Variants in TMEM200A observed in about 807,000 individuals in gnomAD.
TMEM200A encodes the protein transmembrane protein 200A.
In TMEM200A, 12 loss-of-function variants were observed where a neutral mutation model predicts 24.3. The ratio of observed to expected loss-of-function variants is 0.49; its 90% CI spans 0.32 to 0.80. TMEM200A has a LOEUF of 0.80. Ranked by LOEUF, TMEM200A falls within the 30% of genes least tolerant of loss-of-function variation. TMEM200A has a pLI of 0.04. For synonymous variants in TMEM200A, 224 were observed against 224.4 expected, an observed-to-expected ratio of 1.00 and a Z score of 0.02; for missense variants, 545 against 614.4, an observed-to-expected ratio of 0.89 and a Z score of 1.19.
chr6:130,419,680 G>A (rs1779537618), intron 2 of TMEM200A, among the ~76,000 whole-genome samples: 1 of 152,170 alleles, frequency 6.6e-6, no homozygotes, highest in Non-Finnish European at 1.5e-5. Flanking sequence ...AGCTGCAAGA[G>A]GGAATCTTTG....
chr6:130,383,894 G>C (rs942585897), intron 1 of TMEM200A, among the ~76,000 whole-genome samples: 1 of 152,118 alleles, frequency 6.6e-6, no homozygotes, highest in African/African-American at 2.4e-5. Context: ...GAGACGGGGG[G>C]GATCCCTTGA....
upstream of TMEM200A, chr6:130,365,546 C>T (rs1461983419): frequency 1.5e-5 from 15 of 985,244 alleles, no homozygotes; most frequent in Admixed American, 6.1e-5. Context: ...CCTGCGGTGC[C>T]TGCTCCGGGA....
intron 2 of TMEM200A, among the ~76,000 whole-genome samples, chr6:130,407,758 A>G (rs1779238563): frequency 6.6e-6 from 1 of 152,232 alleles, no homozygotes; most frequent in South Asian, 2.1e-4. Flanking sequence ...TACAAATAAC[A>G]TTTTAGAAAC....
intron 2 of TMEM200A, among the ~76,000 whole-genome samples, chr6:130,405,547 T>C (rs1242579696): frequency 1.3e-5 from 2 of 152,196 alleles, no homozygotes; most frequent in African/African-American, 4.8e-5. Flanking sequence ...TGCATCATGG[T>C]AGGAGAATCA....
At chr6:130,414,388 C>T (rs747027709) in intron 2 of TMEM200A, among the ~76,000 whole-genome samples, 24 of 144,842 alleles carry the variant, frequency 1.7e-4, no homozygotes, top group Non-Finnish European at 2.8e-4. Flanking sequence ...GCTGAGATCG[C>T]GCTGCTGCAC....
At chr6:130,365,569 G>T (rs1778114704), upstream of TMEM200A, 2 of 985,258 alleles carry the variant, frequency 2.0e-6, no homozygotes, top group African/African-American at 1.7e-5. Flanking sequence ...ACTGCGAGTC[G>T]GCTGGAGCTC....
rs187047495 is a variant in TMEM200A, at chr6:130,418,816, G to A, written c.-16-21591G>A. Among the ~76,000 whole-genome samples, 915 of 151,808 alleles carry A rather than the reference G, an allele frequency of 6.0e-3. 5 individuals are homozygous for A. The highest frequency in any genetic ancestry group is 0.016 in the South Asian group (78 of 4,786). ...TATATAATATTTTACATATTTCTGG[G>A]GTACATGTGATATTTTGTTATGCAT... On this transcript the variant is annotated intron_variant, in intron 2 of 2. Transcript: ENST00000296978.
Position 130,440,764 on chromosome 6 carries a change from C to A in TMEM200A, c.342C>A (p.Arg114=), listed in dbSNP as rs1297246427. 2 of 1,613,938 alleles carry A rather than the reference C, an allele frequency of 1.2e-6. No homozygotes were observed. The highest frequency in any genetic ancestry group is 3.3e-5 in the Admixed American group (2 of 60,022). The change falls in exon 3 of 3, where the codon CGC becomes CGA. Residue 114 remains arginine (R), a synonymous_variant. Coordinates refer to ENST00000296978, the MANE Select transcript of TMEM200A (RefSeq NM_001258277.2). ...GGAATGAAGGCGGTGTGGTGGTTCG[C>A]TTCTTTGAGCAGCATTTGCATTCTG... ...VIRNEGGVVV[R]FFEQHLHSDK...
At chr6:130,405,797 C>T (rs906708121) in intron 2 of TMEM200A, among the ~76,000 whole-genome samples, 2 of 152,170 alleles carry the variant, frequency 1.3e-5, no homozygotes, top group Admixed American at 6.5e-5. Flanking sequence ...GCTTCCTGAC[C>T]CACTGCTAGC....
At chr6:130,416,227 C>T (rs1779445672) in intron 2 of TMEM200A, among the ~76,000 whole-genome samples, 1 of 152,058 alleles carries the variant, frequency 6.6e-6, no homozygotes, top group East Asian at 1.9e-4. Context: ...GATTGTATTT[C>T]ACTAAGAAAA....
intron 2 of TMEM200A, among the ~76,000 whole-genome samples, chr6:130,405,874 A>G (rs1387044996): frequency 6.6e-6 from 1 of 152,156 alleles, no homozygotes; most frequent in Non-Finnish European, 1.5e-5. Flanking sequence ...CTTCACTGGC[A>G]GGTTGCTTCT....
intron 1 of TMEM200A, among the ~76,000 whole-genome samples, chr6:130,371,894 G>A (rs1778329154): frequency 6.6e-6 from 1 of 152,184 alleles, no homozygotes; most frequent in African/African-American, 2.4e-5. Context: ...AGGGAGACAG[G>A]ATTTTATTAG....
intron 1 of TMEM200A, chr6:130,381,863 C>G: frequency 1.0e-6 from 1 of 972,116 alleles, no homozygotes; most frequent in Non-Finnish European, 1.2e-6. Context: ...AAATTGCTGA[C>G]TGAAGGTTAA....
intron 2 of TMEM200A, among the ~76,000 whole-genome samples, chr6:130,426,765 A>G (rs563156362): frequency 3.3e-5 from 5 of 152,346 alleles, no homozygotes; most frequent in African/African-American, 1.2e-4. Context: ...GTGCAGAGAA[A>G]GTTCATCGAT....
chr6:130,374,129 T>C (rs549318116), intron 1 of TMEM200A, among the ~76,000 whole-genome samples: 1 of 152,358 alleles, frequency 6.6e-6, no homozygotes, highest in African/African-American at 2.4e-5. Context: ...TTGGGGACTC[T>C]TCAGACTCTG....
rs1779800668 is a variant in TMEM200A, at chr6:130,428,517, G to GCAA, written c.-16-11888_-16-11886dup. On this transcript the variant is annotated intron_variant, in intron 2 of 2. Transcript: ENST00000296978. ...CTAGTAGAGAGCTTTCTCTCTGACA[G>GCAA]CAACTCTGAACCAATTAATTTTGTC... Among the ~76,000 whole-genome samples the GCAA allele has an allele frequency of 2.0e-5, 3 of 152,018 alleles. No homozygotes were observed. The South Asian group carries it at 6.2e-4, about 32-fold the overall frequency.
At chr6:130,404,623 C>T (rs1779163124) in intron 2 of TMEM200A, among the ~76,000 whole-genome samples, 1 of 152,060 alleles carries the variant, frequency 6.6e-6, no homozygotes, top group Non-Finnish European at 1.5e-5. Context: ...CTGTAGGTTG[C>T]CTGTTCACTC....
At chr6:130,416,072 T>A (rs1473054448) in intron 2 of TMEM200A, among the ~76,000 whole-genome samples, 2 of 152,300 alleles carry the variant, frequency 1.3e-5, no homozygotes, top group East Asian at 3.9e-4. Flanking sequence ...GTTGTTTTCT[T>A]AATAGTATAT....
At chr6:130,428,069 G>A (rs1341264747) in intron 2 of TMEM200A, among the ~76,000 whole-genome samples, 1 of 152,034 alleles carries the variant, frequency 6.6e-6, no homozygotes, top group Non-Finnish European at 1.5e-5. Flanking sequence ...TGTTATCTTA[G>A]GCGTCCCTTG....
Sources: gnomAD v4.1 joint callset for allele counts (sites outside exome capture counted in the v4.1 genomes callset) on GRCh38, gnomAD v4.1.1 for gene constraint, MANE v1.5 for transcripts, NCBI Gene and HGNC (gene_info 2026-07-23, HGNC 2026-07-21) for gene names.